The following LDHB variants were observed in gnomAD, a reference collection of about 807,000 sequenced individuals.
LDHB encodes lactate dehydrogenase B, also known as L-lactate dehydrogenase B chain.
A neutral mutation model predicts 33.4 loss-of-function variants in LDHB; 18 were observed. The ratio of observed to expected loss-of-function variants is 0.54; its 90% CI spans 0.37 to 0.80. The LOEUF is 0.80. LDHB is among the 30% of genes least tolerant of loss of function. The pLI, the probability that LDHB is intolerant of heterozygous loss-of-function variation, is 0.00. For missense variants in LDHB, 345 were observed against 407.9 expected (o/e 0.85, Z 1.33); for synonymous variants, 121 against 140.6 (o/e 0.86, Z 0.98).
intron 2 of LDHB, 22 bp from the exon 3 acceptor site, chr12:21,647,038 T>C: frequency 4.7e-6 from 7 of 1,487,056 alleles, no homozygotes; most frequent in Non-Finnish European, 6.6e-6. Context: ...AAAACAGGCA[T>C]TAGAACCCTA....
At position 21,646,937 on chromosome 12, in the gene LDHB, C is replaced by G; in HGVS notation, c.209G>C (p.Ser70Thr). The change falls in exon 3 of 8, where the codon AGC becomes ACC. Residue 70 changes from serine to threonine, a missense_variant. Ser to Thr is a moderately conservative substitution (Grantham distance 58, BLOSUM62 1). Transcript: ENST00000350669. ...KGEMMDLQHG[S>T]LFLQTPKIVA... ...AATTTTAGGTGTCTGAAGAAATAAG[C>G]TCCCATGCTGCAGATCCATCATTTC... is the stretch of plus-strand genomic sequence containing the variant. 6.2e-7 allele frequency: 1 copy of G among 1,612,884 alleles called. No homozygotes were observed. Among genetic ancestry groups the G allele is most frequent in the Non-Finnish European group, 8.5e-7 (1 of 1,179,008 alleles).
At chr12:21,652,778 G>A (rs1471635206) in intron 2 of LDHB, among the ~76,000 whole-genome samples, 1 of 152,196 alleles carries the variant, frequency 6.6e-6, no homozygotes, top group African/African-American at 2.4e-5. Context: ...ATAGGGAGCT[G>A]CTATCCTAAA....
At chr12:21,636,403 A>G (rs1364834078) in intron 7 of LDHB, among the ~76,000 whole-genome samples, 1 of 151,850 alleles carries the variant, frequency 6.6e-6, no homozygotes, top group African/African-American at 2.4e-5. Flanking sequence ...TGGGTAATTT[A>G]TTCACAGGGT....
At chr12:21,657,245 A>T (rs1181391358) in intron 1 of LDHB, 1 of 152,212 alleles carries the variant, frequency 6.6e-6, no homozygotes, top group African/African-American at 2.4e-5. Context: ...GGGTAAAAAT[A>T]AGTGCAGCGC....
intron 5 of LDHB, among the ~76,000 whole-genome samples, chr12:21,641,055 C>T (rs1433721303): frequency 6.6e-6 from 1 of 152,128 alleles, no homozygotes; most frequent in African/African-American, 2.4e-5. Flanking sequence ...TGACAACTAT[C>T]ATGGTAATTT....
At position 21,641,935 on chromosome 12, in the gene LDHB, C is replaced by T. The variant is rs1938380401; in HGVS notation, c.595+17G>A. Reference sequence around the variant, plus strand: ...AAACCAACATCACAAGTAATTATTTCTTTTTTTTTTCTTTACCACTTGAGT... The same window carrying T: ...AAACCAACATCACAAGTAATTATTTTTTTTTTTTTTCTTTACCACTTGAGT... On this transcript the variant is annotated intron_variant, in intron 5 of 7. Coordinates refer to ENST00000350669, the MANE Select transcript of LDHB (RefSeq NM_002300.8). 4 of 1,275,674 alleles carry T rather than the reference C, an allele frequency of 3.1e-6. No homozygotes were observed. Among genetic ancestry groups the T allele is most frequent in the African/African-American group, 1.5e-5 (1 of 66,198 alleles). 79.0% of individuals were successfully genotyped at this position (1,275,674 alleles called of 1,614,324 possible). A position where few individuals can be genotyped will look rare whatever the true frequency, so the allele number is the denominator to read the frequency against.
At chr12:21,639,888 C>G (rs1412013731) in intron 5 of LDHB, among the ~76,000 whole-genome samples, 1 of 151,944 alleles carries the variant, frequency 6.6e-6, no homozygotes, top group Non-Finnish European at 1.5e-5. Context: ...AGAAAAAAGT[C>G]AGCATTCTTA....
rs1938380930 is a variant in LDHB at position 21,641,941 on chromosome 12, T to C, written c.595+11A>G. 1.9e-6 allele frequency: 3 copies of C among 1,603,650 alleles called. No homozygotes were observed. Among genetic ancestry groups the C allele is most frequent in the Non-Finnish European group, 1.7e-6 (2 of 1,175,702 alleles). On this transcript the variant is annotated intron_variant, in intron 5 of 7. Transcript: ENST00000350669. ...ACATCACAAGTAATTATTTCTTTTT[T>C]TTTTCTTTACCACTTGAGTCGCCAT...
chr12:21,644,136 C>T, intron 3 of LDHB, 28 bp from the exon 4 acceptor site: 4 of 1,501,080 alleles, frequency 2.7e-6, no homozygotes, highest in Middle Eastern at 3.4e-4. Context: ...AAAACAGGTA[C>T]TTTAAATGCA....
chr12:21,656,744 T>TA (rs1472517636), intron 1 of LDHB, among the ~76,000 whole-genome samples: 2 of 152,174 alleles, frequency 1.3e-5, no homozygotes, highest in Non-Finnish European at 2.9e-5. Flanking sequence ...GTCTGCATGA[T>TA]ATACAGGCCT....
intron 2 of LDHB, among the ~76,000 whole-genome samples, chr12:21,653,930 C>T (rs1270508275): frequency 6.6e-6 from 1 of 152,108 alleles, no homozygotes; most frequent in East Asian, 1.9e-4. Flanking sequence ...TTGCTGTGAC[C>T]ACTTGAACCA....
rs1451201232 is a variant in LDHB, at chr12:21,637,225, A to G, written c.714-31T>C. 2.0e-6 allele frequency: 3 copies of G among 1,535,748 alleles called. No individual in the cohort carries two copies. In the African/African-American group the frequency reaches 4.1e-5, roughly 21 times the overall value. On this transcript the variant is annotated intron_variant, in intron 6 of 7. Transcript: ENST00000350669. ...AAAAATTATAAAAGACATCACTGAA[A>G]TAAGACTCAATCATTATTGAAACCA...
At chr12:21,650,831 T>C (rs1354892747) in intron 2 of LDHB, among the ~76,000 whole-genome samples, 1 of 152,176 alleles carries the variant, frequency 6.6e-6, no homozygotes, top group Non-Finnish European at 1.5e-5. Context: ...TCTGCTGCCA[T>C]GGAACATATC....
chr12:21,647,765 C>T (rs1326182958), intron 2 of LDHB, among the ~76,000 whole-genome samples: 3 of 122,132 alleles, frequency 2.5e-5, no homozygotes, highest in African/African-American at 8.9e-5. Context: ...ACTGCAGCCT[C>T]CGCCCACTGC....
intron 2 of LDHB, among the ~76,000 whole-genome samples, chr12:21,653,169 T>C (rs1938741686): frequency 1.3e-5 from 2 of 152,148 alleles, no homozygotes. Flanking sequence ...AAAGGATACA[T>C]ATGAGGTAAG....
Position 21,650,144 on chromosome 12 carries a change from ACACACACG to A in LDHB, c.130-3136_130-3129del, listed in dbSNP as rs1269110894. Among the ~76,000 whole-genome samples, 440 of 148,224 alleles carry A rather than the reference ACACACACG, an allele frequency of 3.0e-3. 6 individuals carry two copies. The highest frequency in any genetic ancestry group is 4.7e-3 in the Non-Finnish European group (319 of 67,284). On this transcript the variant is annotated intron_variant, in intron 2 of 7. Coordinates refer to ENST00000350669, the MANE Select transcript of LDHB (RefSeq NM_002300.8). ...CACACACACACACACACACACACAC[ACACACACG>A]TCTCTCTCTCCAAGTGTTTAGTATG...
At chr12:21,648,460 C>T (rs928082858) in intron 2 of LDHB, among the ~76,000 whole-genome samples, 2 of 151,844 alleles carry the variant, frequency 1.3e-5, no homozygotes, top group Non-Finnish European at 1.5e-5. Context: ...TGTAAGTGAA[C>T]CAGCCCATGT....
At chr12:21,650,151 CG>C (rs1250184704) in intron 2 of LDHB, among the ~76,000 whole-genome samples, 510 of 32,754 alleles carry the variant, frequency 0.016, 7 homozygotes, top group African/African-American at 0.042. Context: ...CACACACACA[CG>C]TCTCTCTCTC....
chr12:21,636,999 C>T, intron 7 of LDHB, 72 bp downstream of exon 7: 3 of 1,228,008 alleles, frequency 2.4e-6, no homozygotes, highest in South Asian at 1.2e-5. Context: ...CTGGTCTGAG[C>T]CTCTTTAAAT....
Sources: gnomAD v4.1 joint callset for allele counts (sites outside exome capture counted in the v4.1 genomes callset) on GRCh38, gnomAD v4.1.1 for gene constraint, MANE v1.5 for transcripts, NCBI Gene and HGNC (gene_info 2026-07-23, HGNC 2026-07-21) for gene names.